RECK: variants seen among roughly 807,000 people sequenced by gnomAD.
The protein encoded by RECK is reversion inducing cysteine rich protein with kazal motifs.
A neutral mutation model predicts 115.1 loss-of-function variants in RECK; 69 were observed. That is an observed-to-expected ratio of 0.60 (90% confidence interval 0.49 to 0.73). The LOEUF is 0.73. RECK is among the 30% of genes least tolerant of loss of function. RECK has a pLI of 0.00. For missense variants in RECK, 1,047 were observed against 1,203.7 expected (o/e 0.87, Z 1.93); for synonymous variants, 414 against 419.7 (o/e 0.99, Z 0.17).
intron 1 of RECK, among the ~76,000 whole-genome samples, chr9:36,050,685 T>G (rs1165232254): frequency 6.6e-6 from 1 of 152,184 alleles, no homozygotes; most frequent in Non-Finnish European, 1.5e-5. Context: ...TATAGAGACC[T>G]GTATGATCTG....
rs1190232900 is a variant in RECK, at chr9:36,120,754, C to T, written c.2538+18C>T. ...TTGCTAAGGTAAATTGCTTTATATT[C>T]AGATGCTATTGAAATCTTATTGCTA... On this transcript the variant is annotated intron_variant, in intron 19 of 20. Coordinates refer to ENST00000377966, the MANE Select transcript of RECK (RefSeq NM_021111.3). 1 of 1,479,866 alleles carries T rather than the reference C, an allele frequency of 6.8e-7. No homozygotes were observed. Among genetic ancestry groups the T allele is most frequent in the Admixed American group, 1.7e-5 (1 of 59,802 alleles). 91.7% of individuals were successfully genotyped at this position (1,479,866 alleles called of 1,614,324 possible). A position where few individuals can be genotyped will look rare whatever the true frequency, so the allele number is the denominator to read the frequency against.
chr9:36,058,649 T>A (rs971801983), intron 2 of RECK, among the ~76,000 whole-genome samples, 178 bp from the exon 3 acceptor site: 97 of 148,484 alleles, frequency 6.5e-4, no homozygotes, highest in African/African-American at 2.2e-3. Context: ...ACTTAAAGTA[T>A]AATAATAATT....
intron 4 of RECK, among the ~76,000 whole-genome samples, chr9:36,060,972 A>G (rs146961289): frequency 3.3e-4 from 51 of 152,284 alleles, no homozygotes; most frequent in African/African-American, 1.1e-3. Context: ...TTCTAGTTCC[A>G]TTGACTCTCC....
intron 12 of RECK, among the ~76,000 whole-genome samples, chr9:36,103,124 C>T (rs1392257910): frequency 6.6e-6 from 1 of 152,114 alleles, no homozygotes; most frequent in African/African-American, 2.4e-5. Flanking sequence ...GAGACCCATA[C>T]ATGGTGGAAA....
chr9:36,087,757 T>C lies in RECK; in HGVS notation c.701T>C (p.Met234Thr). 4 of 1,614,032 alleles carry C rather than the reference T, an allele frequency of 2.5e-6. No individual in the cohort carries two copies. Among genetic ancestry groups the C allele is most frequent in the Non-Finnish European group, 3.4e-6 (4 of 1,179,902 alleles). ...ACQNACKRIL[M>T]SKKTEMEIVD... ...CAAAATGCCTGCAAGAGAATCCTGA[T>C]GTCCAAGAAAACGGAAATGGAGATT... Residue 234 changes from methionine to threonine, a missense_variant, in exon 9 of 21, where the codon ATG (methionine) becomes ACG (threonine). Coordinates refer to ENST00000377966, the MANE Select transcript of RECK (RefSeq NM_021111.3).
chr9:36,059,255 G>A (rs1313377359), intron 3 of RECK, among the ~76,000 whole-genome samples: 2 of 151,818 alleles, frequency 1.3e-5, no homozygotes, highest in Non-Finnish European at 2.9e-5. Context: ...TCAGGATTTC[G>A]AGACCAGCCT....
chr9:36,066,733 T>A, intron 6 of RECK: 1 of 1,141,000 alleles, frequency 8.8e-7, no homozygotes, highest in South Asian at 1.4e-5. Flanking sequence ...CCTTCTTTTC[T>A]CCTACATGAT....
Position 36,117,103 on chromosome 9 carries a change from G to A in RECK, c.2179G>A (p.Asp727Asn). The A allele has an allele frequency of 6.2e-7, 1 of 1,614,188 alleles. No homozygotes were observed. Among genetic ancestry groups the A allele is most frequent in the Non-Finnish European group, 8.5e-7 (1 of 1,180,006 alleles). ...DQVQDPVCDT[D>N]HMEHNNLCTL... ...GGTCCAAGATCCTGTTTGTGACACA[G>A]ACCACATGGAGCACAACAATCTCTG... The change falls in exon 17 of 21, where the codon GAC becomes AAC. Residue 727 changes from aspartate (D) to asparagine (N), a missense_variant. Coordinates refer to ENST00000377966, the MANE Select transcript of RECK (RefSeq NM_021111.3).
chr9:36,085,009 T>C (rs1822892296), intron 8 of RECK, among the ~76,000 whole-genome samples: 1 of 151,982 alleles, frequency 6.6e-6, no homozygotes, highest in Admixed American at 6.6e-5. Flanking sequence ...GAATTATTAT[T>C]GTGCCACTGC....
Position 36,123,078 on chromosome 9 carries a change from C to A in RECK, c.*33C>A. 1 of 1,541,154 alleles carries A rather than the reference C, an allele frequency of 6.5e-7. No homozygotes were observed. The highest frequency in any genetic ancestry group is 1.2e-5 in the South Asian group (1 of 86,586). ...CGGAAAGTGCAGAATGCTCCTCCAC[C>A]TCACTCTCCTGCCTTGAAAAAGACA... On this transcript the variant is annotated 3_prime_UTR_variant, in exon 21 of 21. Transcript: ENST00000377966.
chr9:36,117,167 G>GT lies in RECK; in HGVS notation c.2244dup (p.Pro749SerfsTer18). 1 of 1,610,788 alleles carries GT rather than the reference G, an allele frequency of 6.2e-7. No homozygotes were observed. Among genetic ancestry groups the GT allele is most frequent in the South Asian group, 1.1e-5 (1 of 90,772 alleles). On this transcript the variant is annotated frameshift_variant, in exon 17 of 21. Coordinates refer to ENST00000377966, the MANE Select transcript of RECK (RefSeq NM_021111.3). LOFTEE classifies it high-confidence loss of function. ...AGAGGAAAAAGCCTCTCTTACAAAGGTCCCTGCCAGGTACAGTGCTTTGGC... is the reference window on the plus strand; with the variant it reads ...AGAGGAAAAAGCCTCTCTTACAAAGGTTCCCTGCCAGGTACAGTGCTTTGGC...
rs543838814 is a variant in RECK, at chr9:36,124,051, G to A, written c.*1006G>A. 2 of 152,288 alleles carry A rather than the reference G, an allele frequency of 1.3e-5. No individual in the cohort carries two copies. Among genetic ancestry groups the A allele is most frequent in the African/African-American group, 2.4e-5 (1 of 41,128 alleles). The allele number at this position is 152,288 out of a possible 1,614,324, so 9.4% of individuals were successfully genotyped here. A position where few individuals can be genotyped will look rare whatever the true frequency, so the allele number is the denominator to read the frequency against. On this transcript the variant is annotated 3_prime_UTR_variant, in exon 21 of 21. Transcript: ENST00000377966. Reference sequence around the variant, plus strand: ...TATGCACAATGTAGATAAGTGTTCTGTCTGACTTTCTTTTTTGATATAGAA... The same window carrying A: ...TATGCACAATGTAGATAAGTGTTCTATCTGACTTTCTTTTTTGATATAGAA...
At chr9:36,041,355 G>A (rs1425188693) in intron 1 of RECK, among the ~76,000 whole-genome samples, 2 of 152,178 alleles carry the variant, frequency 1.3e-5, no homozygotes, top group African/African-American at 4.8e-5. Flanking sequence ...TGAGATAATT[G>A]GGAGCTATAC....
intron 6 of RECK, among the ~76,000 whole-genome samples, chr9:36,070,028 G>T (rs10738957): frequency 0.55 from 83,151 of 151,988 alleles, 23,104 homozygotes; most frequent in East Asian, 0.79. Context: ...AATTAAGCTA[G>T]TTCTAAACAG....
At chr9:36,062,263 G>A (rs774637610) in intron 4 of RECK, among the ~76,000 whole-genome samples, 20 of 149,380 alleles carry the variant, frequency 1.3e-4, no homozygotes, top group Non-Finnish European at 2.1e-4. Flanking sequence ...CCAGTTTCAA[G>A]CAATTCTCCT....
chr9:36,075,409 C>A (rs1179761261), intron 6 of RECK, among the ~76,000 whole-genome samples: 1 of 152,104 alleles, frequency 6.6e-6, no homozygotes, highest in African/African-American at 2.4e-5. Context: ...AAGCTCATTT[C>A]TGTTTTGAGT....
chr9:36,078,533 G>A (rs149404635), intron 6 of RECK, among the ~76,000 whole-genome samples: 1 of 152,306 alleles, frequency 6.6e-6, no homozygotes, highest in East Asian at 1.9e-4. Flanking sequence ...CTCACCAGAT[G>A]CCAGTAGCAC....
chr9:36,106,445 C>G (rs1365075044), intron 13 of RECK, among the ~76,000 whole-genome samples: 4 of 151,458 alleles, frequency 2.6e-5, no homozygotes, highest in Admixed American at 1.3e-4. Context: ...ACCATGTTGT[C>G]CAGGCTGGTT....
intron 1 of RECK, among the ~76,000 whole-genome samples, chr9:36,042,466 A>G (rs1049317814): frequency 7.4e-6 from 1 of 134,396 alleles, no homozygotes; most frequent in Non-Finnish European, 1.7e-5. Context: ...GTGTGTGTGT[A>G]CACATATACC....
Sources: allele counts gnomAD v4.1 joint callset (sites outside exome capture counted in the v4.1 genomes callset), GRCh38; gene constraint gnomAD v4.1.1; transcripts MANE v1.5; gene names NCBI Gene and HGNC (gene_info 2026-07-23, HGNC 2026-07-21).